Variants in THSD4 observed in about 807,000 individuals in gnomAD.
THSD4 encodes the protein thrombospondin type-1 domain-containing protein 4.
Under a neutral mutation model 119.0 loss-of-function variants are expected in THSD4, and 69 were observed. The observed-to-expected ratio is 0.58, with a 90% CI of 0.48 to 0.71. The LOEUF is 0.71. THSD4 is among the 30% of genes least tolerant of loss of function. The pLI is 0.00. For synonymous variants in THSD4, 524 were observed against 540.4 expected, an observed-to-expected ratio of 0.97 and a Z score of 0.42; for missense variants, 1,393 against 1,391.1, an observed-to-expected ratio of 1.00 and a Z score of -0.02.
intron 15 of THSD4, among the ~76,000 whole-genome samples, chr15:71,763,489 T>C (rs555127727): frequency 6.6e-6 from 1 of 152,042 alleles, no homozygotes; most frequent in African/African-American, 2.4e-5. Context: ...GGCAGGAGGA[T>C]TGGTTGAGGC....
chr15:71,660,791 T>C, intron 8 of THSD4, 57 bp downstream of exon 8: 2 of 1,591,444 alleles, frequency 1.3e-6, no homozygotes, highest in Non-Finnish European at 1.7e-6. Context: ...GATGTATTCC[T>C]TCAGAACTGT....
intron 3 of THSD4, among the ~76,000 whole-genome samples, chr15:71,155,400 C>A (rs557775706): frequency 6.6e-6 from 1 of 152,330 alleles, no homozygotes; most frequent in Non-Finnish European, 1.5e-5. Context: ...GATCCAATCA[C>A]CTTCCACCAG....
In THSD4 at chr15:71,537,149, T is replaced by C. The variant is rs1595866733; in HGVS notation, c.1153-123381T>C. On this transcript the variant is annotated intron_variant, in intron 7 of 17. Transcript: ENST00000261862. ...TTCCCACTATAAATGTTGTCAATTA[T>C]CTTTGAAATCATTCACTTCTTTCCA... 1.3e-5 allele frequency among the ~76,000 whole-genome samples: 2 copies of C among 152,338 alleles called. 1 individual carries two copies. Among genetic ancestry groups the C allele is most frequent in the South Asian group, 4.1e-4 (2 of 4,826 alleles).
At chr15:71,533,917 G>T (rs4777405) in intron 7 of THSD4, among the ~76,000 whole-genome samples, 3 of 151,974 alleles carry the variant, frequency 2.0e-5, no homozygotes, top group Non-Finnish European at 4.4e-5. Flanking sequence ...ATCATTAGGG[G>T]TTATTGGAAA....
At chr15:71,610,757 C>T (rs1419264800) in intron 7 of THSD4, among the ~76,000 whole-genome samples, 3 of 152,168 alleles carry the variant, frequency 2.0e-5, no homozygotes, top group East Asian at 1.9e-4. Context: ...ATCTTTATAG[C>T]TCTTTCCTTA....
chr15:71,698,661 C>T (rs765688140), intron 8 of THSD4, among the ~76,000 whole-genome samples: 10 of 148,330 alleles, frequency 6.7e-5, no homozygotes, highest in Non-Finnish European at 1.3e-4. Context: ...GAAATATATA[C>T]ATGCATGTAT....
chr15:71,499,420 T>C (rs1288102298), intron 7 of THSD4, among the ~76,000 whole-genome samples: 2 of 151,890 alleles, frequency 1.3e-5, no homozygotes, highest in Non-Finnish European at 2.9e-5. Context: ...ATATTTTCCA[T>C]ACACTTATCT....
chr15:71,544,919 T>C (rs980644707), intron 7 of THSD4, among the ~76,000 whole-genome samples: 3 of 152,202 alleles, frequency 2.0e-5, no homozygotes, highest in African/African-American at 7.2e-5. Flanking sequence ...ACAAATACTG[T>C]AGTGTATGAT....
chr15:71,602,254 A>G lies in THSD4; in HGVS notation c.1153-58276A>G, dbSNP rs545319029. Among the ~76,000 whole-genome samples, 30 of 152,226 alleles carry G rather than the reference A, an allele frequency of 2.0e-4. 1 individual carries two copies. In the Middle Eastern group the frequency reaches 0.01, roughly 52 times the overall value. ...TTAGATGCTAAATTATGATGTAGACATTTTGAAAAATGGTCTCGGCCAGGC... is the reference window on the plus strand; with the variant it reads ...TTAGATGCTAAATTATGATGTAGACGTTTTGAAAAATGGTCTCGGCCAGGC... On this transcript the variant is annotated intron_variant, in intron 7 of 17. Coordinates refer to ENST00000261862, the MANE Select transcript of THSD4 (RefSeq NM_024817.3).
chr15:71,651,646 CCTT>C (rs1480445968), intron 7 of THSD4, among the ~76,000 whole-genome samples: 1 of 127,764 alleles, frequency 7.8e-6, no homozygotes, highest in African/African-American at 2.7e-5. Flanking sequence ...ATTTCACCCA[CCTT>C]TTTTTTTTTG....
At position 71,409,370 on chromosome 15, in the gene THSD4, TGAG is replaced by T. The variant is rs376225817; in HGVS notation, c.1016-2313_1016-2311del. On this transcript the variant is annotated intron_variant, in intron 6 of 17. Transcript: ENST00000261862. ...TGGATAGTTCTAGCGCTTCAGAAAG[TGAG>T]GAGCTGGGGAGAGAGGGAATGGGGT... 6.8e-3 allele frequency among the ~76,000 whole-genome samples: 1,029 copies of T among 152,192 alleles called. 12 individuals carry two copies. The highest frequency in any genetic ancestry group is 0.024 in the African/African-American group (985 of 41,538).
At chr15:71,330,660 T>C (rs549962095) in intron 6 of THSD4, among the ~76,000 whole-genome samples, 1 of 152,320 alleles carries the variant, frequency 6.6e-6, no homozygotes, top group African/African-American at 2.4e-5. Context: ...TCAATAACTG[T>C]TAGCGCTTTC....
chr15:71,192,138 G>A (rs1200536157), intron 3 of THSD4, among the ~76,000 whole-genome samples: 1 of 151,834 alleles, frequency 6.6e-6, no homozygotes, highest in East Asian at 1.9e-4. Flanking sequence ...TCCTTACCTT[G>A]TGATTTGCCC....
At chr15:71,247,818 ATAGAG>A (rs1232949189) in intron 5 of THSD4, among the ~76,000 whole-genome samples, 1 of 152,236 alleles carries the variant, frequency 6.6e-6, no homozygotes, top group African/African-American at 2.4e-5. Flanking sequence ...AACTCAAGGA[ATAGAG>A]TAAACAGTTA....
intron 7 of THSD4, among the ~76,000 whole-genome samples, chr15:71,477,045 T>C (rs1204992212): frequency 6.6e-6 from 1 of 152,112 alleles, no homozygotes; most frequent in African/African-American, 2.4e-5. Context: ...GCAAATTAAG[T>C]CCCCCAAATA....
chr15:71,249,859 C>T (rs928677985), intron 5 of THSD4, among the ~76,000 whole-genome samples: 5 of 152,162 alleles, frequency 3.3e-5, no homozygotes, highest in African/African-American at 1.2e-4. Context: ...TCCATCAACT[C>T]CTTATTCTGG....
intron 6 of THSD4, among the ~76,000 whole-genome samples, chr15:71,393,190 G>A (rs904588469): frequency 1.3e-5 from 2 of 151,274 alleles, no homozygotes; most frequent in Admixed American, 6.6e-5. Flanking sequence ...GGCTGCATTC[G>A]TTTGGTAAAT....
chr15:71,506,367 G>A (rs1281412631), intron 7 of THSD4, among the ~76,000 whole-genome samples: 2 of 152,158 alleles, frequency 1.3e-5, no homozygotes, highest in Non-Finnish European at 2.9e-5. Context: ...GTTAAGTATT[G>A]GATTGTACTG....
At chr15:71,631,079 A>C (rs2050619516) in intron 7 of THSD4, among the ~76,000 whole-genome samples, 1 of 152,010 alleles carries the variant, frequency 6.6e-6, no homozygotes, top group African/African-American at 2.4e-5. Flanking sequence ...GCAGTTGAGT[A>C]CTCTGCATTG....
Sources: gnomAD v4.1 joint callset for allele counts (sites outside exome capture counted in the v4.1 genomes callset) on GRCh38, gnomAD v4.1.1 for gene constraint, MANE v1.5 for transcripts, NCBI Gene and HGNC (gene_info 2026-07-23, HGNC 2026-07-21) for gene names.